DAB1: variants seen among roughly 807,000 people sequenced by gnomAD.
DAB1 encodes the protein disabled homolog 1.
DAB1 carries 15 observed loss-of-function variants against 64.6 expected under a neutral mutation model. That is an observed-to-expected ratio of 0.23 (90% CI 0.16 to 0.36). The LOEUF (loss-of-function observed/expected upper bound fraction) is 0.36, where lower values mean the gene tolerates loss of function less well. Among genes scored for constraint, DAB1 ranks in the 10% least tolerant of loss-of-function variants. The pLI, the probability that DAB1 is intolerant of heterozygous loss-of-function variation, is 1.00. For missense variants in DAB1, 596 were observed against 706.7 expected, an observed-to-expected ratio of 0.84 and a Z score of 1.78; for synonymous variants, 235 against 251.9, an observed-to-expected ratio of 0.93 and a Z score of 0.64.
At chr1:57,286,534 T>G (rs1186367200) in intron 2 of DAB1, among the ~76,000 whole-genome samples, 1 of 152,204 alleles carries the variant, frequency 6.6e-6, no homozygotes, top group African/African-American at 2.4e-5. Context: ...TTATTTTTGT[T>G]TTACGGAATT....
chr1:57,913,113 C>T (rs1557552080), intron 5 of DAB1, among the ~76,000 whole-genome samples: 1 of 152,020 alleles, frequency 6.6e-6, no homozygotes, highest in South Asian at 2.1e-4. Context: ...CATATGGAAC[C>T]AAAAAAGAGC....
intron 5 of DAB1, among the ~76,000 whole-genome samples, chr1:57,941,532 T>A (rs991984958): frequency 1.3e-5 from 2 of 152,362 alleles, no homozygotes; most frequent in Admixed American, 6.5e-5. Flanking sequence ...TCATTGTTTT[T>A]ATCTGGTTTA....
intron 11 of DAB1, among the ~76,000 whole-genome samples, chr1:57,015,679 C>T (rs1646407464): frequency 6.6e-6 from 1 of 152,180 alleles, no homozygotes; most frequent in Non-Finnish European, 1.5e-5. Context: ...TGCTAGTAAT[C>T]ACATTTCTGT....
chr1:57,683,202 G>T (rs1281000204), intron 6 of DAB1, among the ~76,000 whole-genome samples: 1 of 152,168 alleles, frequency 6.6e-6, no homozygotes, highest in Non-Finnish European at 1.5e-5. Flanking sequence ...ATGGGCTGGC[G>T]TGGGAGCAAG....
intron 7 of DAB1, among the ~76,000 whole-genome samples, chr1:57,496,369 G>C (rs1476548702): frequency 6.6e-6 from 1 of 151,964 alleles, no homozygotes; most frequent in African/African-American, 2.4e-5. Flanking sequence ...ACTCTCTCTT[G>C]GTCTCAGTTA....
At chr1:58,013,253 G>A (rs1362066383) in intron 5 of DAB1, among the ~76,000 whole-genome samples, 2 of 152,146 alleles carry the variant, frequency 1.3e-5, no homozygotes, top group Non-Finnish European at 2.9e-5. Context: ...AGATAATAGT[G>A]CCCTGCCATG....
At chr1:57,183,416 A>G (rs1357054868) in intron 2 of DAB1, among the ~76,000 whole-genome samples, 1 of 152,220 alleles carries the variant, frequency 6.6e-6, no homozygotes, top group Non-Finnish European at 1.5e-5. Context: ...TGTGCAATGA[A>G]TGAGGAAAGA....
intron 2 of DAB1, among the ~76,000 whole-genome samples, chr1:58,517,650 G>T (rs1267977519): frequency 1.3e-5 from 2 of 152,022 alleles, no homozygotes; most frequent in Non-Finnish European, 1.5e-5. Context: ...TCTGTCTCTT[G>T]AATTCTAATG....
chr1:58,332,547 T>C (rs1662995206), intron 4 of DAB1, among the ~76,000 whole-genome samples: 1 of 152,208 alleles, frequency 6.6e-6, no homozygotes, highest in Admixed American at 6.5e-5. Flanking sequence ...AAACTGTGCA[T>C]ACATAAATTA....
chr1:57,087,702 C>T (rs1653233874), intron 4 of DAB1, among the ~76,000 whole-genome samples: 1 of 152,192 alleles, frequency 6.6e-6, no homozygotes, highest in East Asian at 1.9e-4. Context: ...CATTGGAACT[C>T]CTGAAAGGGT....
At chr1:58,528,770 T>C (rs1014514243) in intron 1 of DAB1, among the ~76,000 whole-genome samples, 1 of 152,180 alleles carries the variant, frequency 6.6e-6, no homozygotes, top group African/African-American at 2.4e-5. Flanking sequence ...ACTATCAACA[T>C]TCCTCTCTGC....
intron 7 of DAB1, among the ~76,000 whole-genome samples, chr1:57,527,554 C>G (rs139733909): frequency 1.4e-3 from 210 of 152,256 alleles, no homozygotes; most frequent in African/African-American, 4.8e-3. Flanking sequence ...ACTCTTTCTA[C>G]TGAAGCACTC....
At chr1:58,432,461 G>A (rs561912496) in intron 3 of DAB1, among the ~76,000 whole-genome samples, 2 of 152,196 alleles carry the variant, frequency 1.3e-5, no homozygotes, top group African/African-American at 4.8e-5. Context: ...ACAAATACTG[G>A]TTGAATGAAT....
rs527313854 is a variant in DAB1, at chr1:57,246,919, C to T, written c.67+44045G>A. 4.6e-5 allele frequency among the ~76,000 whole-genome samples: 7 copies of T among 152,276 alleles called. No individual in the cohort carries two copies. In the South Asian group the frequency reaches 1.2e-3, roughly 27 times the overall value. On this transcript the variant is annotated intron_variant, in intron 2 of 14. Coordinates refer to ENST00000371236, the MANE Select transcript of DAB1 (RefSeq NM_001365792.1). ...CCCTTTGGTTCTGGCCAATTTCTTCCTTTTAGAATGGGAACATTTACCCAC... is the reference window on the plus strand; with the variant it reads ...CCCTTTGGTTCTGGCCAATTTCTTCTTTTTAGAATGGGAACATTTACCCAC...
chr1:57,960,906 C>G (rs954781869), intron 5 of DAB1, among the ~76,000 whole-genome samples: 2 of 152,228 alleles, frequency 1.3e-5, no homozygotes, highest in African/African-American at 4.8e-5. Flanking sequence ...ACAGGTGTAA[C>G]AGGTAAGAGG....
chr1:57,505,166 TG>T (rs1644330426), intron 7 of DAB1, among the ~76,000 whole-genome samples: 1 of 152,216 alleles, frequency 6.6e-6, no homozygotes, highest in Admixed American at 6.5e-5. Flanking sequence ...AAACTGAGTG[TG>T]GCTTATATGG....
At chr1:57,565,993 G>A (rs1645115760) in intron 7 of DAB1, among the ~76,000 whole-genome samples, 1 of 152,098 alleles carries the variant, frequency 6.6e-6, no homozygotes, top group Non-Finnish European at 1.5e-5. Context: ...GCACCACATT[G>A]CACTTATTCC....
intron 1 of DAB1, among the ~76,000 whole-genome samples, chr1:57,349,754 C>T (rs779123778): frequency 6.6e-6 from 1 of 152,042 alleles, no homozygotes; most frequent in African/African-American, 2.4e-5. Context: ...CCCCTCCTAG[C>T]GGGGGAAATC....
Position 57,147,545 on chromosome 1 carries a change from C to T in DAB1, c.68-2116G>A, listed in dbSNP as rs114241135. Among the ~76,000 whole-genome samples the T allele has an allele frequency of 7.2e-3, 1,095 of 151,978 alleles. 12 individuals are homozygous for T. Among genetic ancestry groups the T allele is most frequent in the African/African-American group, 0.024 (992 of 41,432 alleles). On this transcript the variant is annotated intron_variant, in intron 2 of 14. Transcript: ENST00000371236. Reference sequence around the variant, plus strand: ...GGATGATTAGTCAGAAACTATAATCCGTATAATACTTAAGCCTCAGCATTC... The same window carrying T: ...GGATGATTAGTCAGAAACTATAATCTGTATAATACTTAAGCCTCAGCATTC...
Sources: allele counts gnomAD v4.1 joint callset (sites outside exome capture counted in the v4.1 genomes callset), GRCh38; gene constraint gnomAD v4.1.1; transcripts MANE v1.5; gene names NCBI Gene and HGNC (gene_info 2026-07-23, HGNC 2026-07-21).